Variants in GRIK2 observed in about 807,000 individuals in gnomAD.
GRIK2 encodes the protein glutamate receptor ionotropic, kainate 2.
In GRIK2, 32 loss-of-function variants were observed where a neutral mutation model predicts 100.3. The ratio of observed to expected loss-of-function variants is 0.32; its 90% CI spans 0.24 to 0.43. The LOEUF (loss-of-function observed/expected upper bound fraction) is 0.43, where lower values mean the gene tolerates loss of function less well. GRIK2 is among the 20% of genes least tolerant of loss of function. The pLI is 1.00. For missense variants in GRIK2, 843 were observed against 1,114.9 expected (o/e 0.76, Z 3.47); for synonymous variants, 417 against 389.4 (o/e 1.07, Z -0.83).
At chr6:101,483,648 C>A (rs1328107201) in intron 2 of GRIK2, among the ~76,000 whole-genome samples, 1 of 152,148 alleles carries the variant, frequency 6.6e-6, no homozygotes, top group African/African-American at 2.4e-5. Flanking sequence ...GATCTGGGCT[C>A]ACTGCAACCT....
Position 101,658,473 on chromosome 6 carries a change from T to C in GRIK2, c.542-18150T>C, listed in dbSNP as rs564399575. Among the ~76,000 whole-genome samples the C allele has an allele frequency of 1.1e-4, 17 of 152,312 alleles. No homozygotes were observed. The East Asian group carries it at 1.9e-3, about 17-fold the overall frequency. On this transcript the variant is annotated intron_variant, in intron 4 of 16. Coordinates refer to ENST00000369134, the MANE Select transcript of GRIK2 (RefSeq NM_021956.5). The stretch of plus-strand genomic sequence containing the variant: ...TATCATTGATGGGCATTTGGGTTGG[T>C]TCCAAGTCTTAGCTATTGTGAATAG...
At chr6:101,734,712 T>A (rs183024585) in intron 7 of GRIK2, among the ~76,000 whole-genome samples, 24 of 152,258 alleles carry the variant, frequency 1.6e-4, no homozygotes, top group Admixed American at 1.2e-3. Flanking sequence ...CATTAAAGAA[T>A]TGGGAACTTG....
chr6:101,547,305 G>A (rs919733298), intron 2 of GRIK2, among the ~76,000 whole-genome samples: 16 of 124,124 alleles, frequency 1.3e-4, no homozygotes, highest in African/African-American at 4.6e-4. Context: ...TTTTTTATTA[G>A]CAGTTTCTTT....
intron 10 of GRIK2, among the ~76,000 whole-genome samples, chr6:101,830,065 G>C (rs1218517287): frequency 6.6e-6 from 1 of 152,046 alleles, no homozygotes; most frequent in African/African-American, 2.4e-5. Context: ...CATGGGATTG[G>C]TATAAATATA....
chr6:101,397,253 T>C (rs372858041), intron 1 of GRIK2, among the ~76,000 whole-genome samples: 6 of 152,240 alleles, frequency 3.9e-5, no homozygotes, highest in African/African-American at 9.6e-5. Context: ...ATTATTTTTT[T>C]CCCCTGGCAG....
chr6:101,789,131 G>A (rs1237149107), intron 7 of GRIK2, among the ~76,000 whole-genome samples: 7 of 151,998 alleles, frequency 4.6e-5, no homozygotes, highest in Non-Finnish European at 7.4e-5. Flanking sequence ...AGTAGGTTGC[G>A]AAAATTTTCT....
intron 4 of GRIK2, among the ~76,000 whole-genome samples, chr6:101,632,030 A>AAAT (rs1780766916): frequency 6.6e-6 from 1 of 152,052 alleles, no homozygotes; most frequent in Non-Finnish European, 1.5e-5. Flanking sequence ...TAGTTGTTGA[A>AAAT]AATAATCTTC....
rs9498610 is a variant in GRIK2 at position 101,539,082 on chromosome 6, C to A, written c.116-82867C>A. Reference sequence around the variant, plus strand: ...AATATTGAATCAATCAACAAATAATCATTACTTAGAGGCAAAGAAATTGAA... The same window carrying A: ...AATATTGAATCAATCAACAAATAATAATTACTTAGAGGCAAAGAAATTGAA... On this transcript the variant is annotated intron_variant, in intron 2 of 16. Transcript: ENST00000369134. Among the ~76,000 whole-genome samples, 229 of 151,604 alleles carry A rather than the reference C, an allele frequency of 1.5e-3. 1 individual carries two copies. The highest frequency in any genetic ancestry group is 5.1e-3 in the African/African-American group (210 of 41,466).
At chr6:101,434,845 A>C (rs974102931) in intron 2 of GRIK2, among the ~76,000 whole-genome samples, 3 of 152,120 alleles carry the variant, frequency 2.0e-5, no homozygotes, top group African/African-American at 7.2e-5. Flanking sequence ...CCTGAAAGGG[A>C]AACATAAACC....
At chr6:101,620,445 A>C (rs557692641) in intron 2 of GRIK2, among the ~76,000 whole-genome samples, 1 of 152,130 alleles carries the variant, frequency 6.6e-6, no homozygotes, top group African/African-American at 2.4e-5. Context: ...ATCAAATAAT[A>C]TTTTTTATCT....
chr6:101,766,501 C>A (rs1434105004), intron 7 of GRIK2, among the ~76,000 whole-genome samples: 1 of 152,040 alleles, frequency 6.6e-6, no homozygotes, highest in Non-Finnish European at 1.5e-5. Context: ...TCTACACTTA[C>A]CTCAAATTCT....
intron 7 of GRIK2, among the ~76,000 whole-genome samples, chr6:101,770,499 T>C (rs548873857): frequency 1.3e-5 from 2 of 152,340 alleles, no homozygotes; most frequent in African/African-American, 4.8e-5. Flanking sequence ...ATGAAAGTCT[T>C]TTATGTCCTG....
chr6:101,761,353 C>T (rs1358697332), intron 7 of GRIK2, among the ~76,000 whole-genome samples: 3 of 151,404 alleles, frequency 2.0e-5, no homozygotes, highest in Non-Finnish European at 2.9e-5. Flanking sequence ...GTCATTTCTT[C>T]TTTTTTTTTC....
At chr6:102,054,419 A>G (rs1324931051) in intron 15 of GRIK2, among the ~76,000 whole-genome samples, 1 of 152,150 alleles carries the variant, frequency 6.6e-6, no homozygotes, top group Non-Finnish European at 1.5e-5. Context: ...GTGTCTTAGG[A>G]AAAAGATCAC....
At chr6:101,970,718 TC>T (rs1792995490) in intron 14 of GRIK2, among the ~76,000 whole-genome samples, 1 of 144,328 alleles carries the variant, frequency 6.9e-6, no homozygotes, top group African/African-American at 2.9e-5. Context: ...CTGTAAACAT[TC>T]TTTCTGCAAA....
At chr6:101,875,753 TAAC>T (rs1183874770) in intron 11 of GRIK2, among the ~76,000 whole-genome samples, 1 of 151,870 alleles carries the variant, frequency 6.6e-6, no homozygotes, top group Admixed American at 6.6e-5. Context: ...CCAGCAAAGT[TAAC>T]AAGATATTGA....
chr6:101,466,751 C>CT (rs1410313051), intron 2 of GRIK2, among the ~76,000 whole-genome samples: 2 of 152,122 alleles, frequency 1.3e-5, no homozygotes, highest in African/African-American at 2.4e-5. Flanking sequence ...CACAAAAGCT[C>CT]TGATGTATTT....
At chr6:101,615,816 A>C (rs1342590723) in intron 2 of GRIK2, among the ~76,000 whole-genome samples, 1 of 151,864 alleles carries the variant, frequency 6.6e-6, no homozygotes, top group Non-Finnish European at 1.5e-5. Flanking sequence ...ATGCTTTGCC[A>C]TTCAATTTTA....
At chr6:101,494,108 G>A (rs867849363) in intron 2 of GRIK2, among the ~76,000 whole-genome samples, 3 of 149,230 alleles carry the variant, frequency 2.0e-5, no homozygotes, top group Admixed American at 6.7e-5. Flanking sequence ...AGCAGAAACA[G>A]TTTTATTAGT....
Sources: gnomAD v4.1 joint callset for allele counts (sites outside exome capture counted in the v4.1 genomes callset) on GRCh38, gnomAD v4.1.1 for gene constraint, MANE v1.5 for transcripts, NCBI Gene and HGNC (gene_info 2026-07-23, HGNC 2026-07-21) for gene names.